PLSCR5: variants seen among roughly 807,000 people sequenced by gnomAD.
The protein encoded by PLSCR5 is phospholipid scramblase family, member 5.
In PLSCR5, 44 loss-of-function variants were observed where a neutral mutation model predicts 33.6. That is an observed-to-expected ratio of 1.31 (90% CI 1.03 to 1.69). The LOEUF (loss-of-function observed/expected upper bound fraction) is 1.69, where lower values mean the gene tolerates loss of function less well. Among genes scored for constraint, PLSCR5 ranks in the 40% most tolerant of loss-of-function variants. PLSCR5 has a pLI of 0.00. For missense variants in PLSCR5, 375 were observed against 318.7 expected (o/e 1.18, Z -1.34); for synonymous variants, 148 against 112.3 (o/e 1.32, Z -2.01).
rs1466221901 is a variant in PLSCR5 at position 146,589,710 on chromosome 3, A to C, written c.720T>G (p.Val240=). 6.2e-7 allele frequency: 1 copy of C among 1,606,300 alleles called. No individual in the cohort carries two copies. The highest frequency in any genetic ancestry group is 1.7e-5 in the Admixed American group (1 of 59,852). The change falls in exon 6 of 8, where the codon GTT becomes GTG. Residue 240 remains valine, a synonymous_variant. Transcript: ENST00000443512. The stretch of plus-strand genomic sequence containing the variant: ...TGACTGTTACATCTAGATCTGCAGG[A>C]ACATGAATTCCGAAATTGTCAGCAT... ...FTNADNFGIH[V]PADLDVTVKA...
intron 2 of PLSCR5, among the ~76,000 whole-genome samples, chr3:146,599,221 C>T (rs550956841): frequency 2.6e-4 from 39 of 152,248 alleles, no homozygotes; most frequent in Admixed American, 9.2e-4. Flanking sequence ...AGGCTTGAAT[C>T]CTGCCTACTT....
intron 5 of PLSCR5, among the ~76,000 whole-genome samples, chr3:146,591,004 T>TG (rs386398183): frequency 3.3e-5 from 5 of 149,358 alleles, no homozygotes; most frequent in African/African-American, 4.9e-5. Context: ...TTTGTTTTTT[T>TG]TTTTTGTTTT....
At chr3:146,602,318 T>C (rs147331842) in intron 1 of PLSCR5, among the ~76,000 whole-genome samples, 190 of 152,188 alleles carry the variant, frequency 1.2e-3, no homozygotes, top group African/African-American at 4.4e-3. Flanking sequence ...GATGCAAAAA[T>C]ATTAAAAGGC....
intron 2 of PLSCR5, among the ~76,000 whole-genome samples, chr3:146,596,078 G>C (rs954821831): frequency 6.6e-6 from 1 of 152,060 alleles, no homozygotes; most frequent in African/African-American, 2.4e-5. Context: ...CAGAGATAAA[G>C]TATCCACAGA....
Position 146,600,429 on chromosome 3 carries a change from A to G in PLSCR5, c.48T>C (p.Phe16=), listed in dbSNP as rs2044802772. 1.2e-6 allele frequency: 2 copies of G among 1,603,638 alleles called. No individual in the cohort carries two copies. The highest frequency in any genetic ancestry group is 1.7e-6 in the Non-Finnish European group (2 of 1,173,690). ...GGTCTGGGTCTGGAGCTCCAGGAAG[A>G]AAACCAGGCAGACCTCTTCTTTGGT... ...AQNQRRGLPG[F]LPGAPDPDQS... The change falls in exon 2 of 8, where the codon TTT becomes TTC. Residue 16 remains phenylalanine (F), a synonymous_variant. Transcript: ENST00000443512.
chr3:146,588,922 A>G (rs1223941358), intron 6 of PLSCR5, among the ~76,000 whole-genome samples: 3 of 152,016 alleles, frequency 2.0e-5, no homozygotes, highest in Non-Finnish European at 2.9e-5. Context: ...TCATGTATTT[A>G]TAGAAAATAC....
downstream of PLSCR5, among the ~76,000 whole-genome samples, chr3:146,584,182 G>A (rs1344502816): frequency 1.3e-5 from 2 of 152,190 alleles, no homozygotes; most frequent in African/African-American, 2.4e-5. Context: ...ATGAGCATCA[G>A]CTTTAAAAGT....
intron 2 of PLSCR5, among the ~76,000 whole-genome samples, chr3:146,595,593 C>T (rs2044754380): frequency 6.6e-6 from 1 of 151,786 alleles, no homozygotes; most frequent in Admixed American, 6.6e-5. Flanking sequence ...AGAGGGGAGA[C>T]TCTGTCTCAA....
chr3:146,582,470 T>C (rs929598053), downstream of PLSCR5, among the ~76,000 whole-genome samples: 5 of 152,170 alleles, frequency 3.3e-5, no homozygotes, highest in Non-Finnish European at 5.9e-5. Context: ...CCAGCCCTCA[T>C]TGGTTTCTTA....
chr3:146,592,510 C>A (rs1445769837), intron 4 of PLSCR5, among the ~76,000 whole-genome samples: 1 of 152,056 alleles, frequency 6.6e-6, no homozygotes, highest in Non-Finnish European at 1.5e-5. Flanking sequence ...ATTTATGTAA[C>A]CCAATCAAAT....
chr3:146,600,398 G>T lies in PLSCR5; in HGVS notation c.79C>A (p.Leu27Ile). 6.2e-7 allele frequency: 1 copy of T among 1,609,946 alleles called. No individual in the cohort carries two copies. Among genetic ancestry groups the T allele is most frequent in the East Asian group, 2.2e-5 (1 of 44,712 alleles). ...TTCCCTGGATTGGAAGAGGCAGGAA[G>T]GCTTTGGTCTGGGTCTGGAGCTCCA... ...LPGAPDPDQS[L>I]PASSNPGNQA... Residue 27 changes from leucine (L) to isoleucine (I), a missense_variant, in exon 2 of 8, where the codon CTT (leucine) becomes ATT (isoleucine). Leu to Ile is a conservative substitution (Grantham distance 5, BLOSUM62 2). Coordinates refer to ENST00000443512, the MANE Select transcript of PLSCR5 (RefSeq NM_001085420.2).
At chr3:146,588,316 A>C (rs528883743) in intron 6 of PLSCR5, among the ~76,000 whole-genome samples, 1 of 151,986 alleles carries the variant, frequency 6.6e-6, no homozygotes, top group South Asian at 2.1e-4. Context: ...TAAAAATACA[A>C]AAAAATTAGC....
At chr3:146,595,251 T>G (rs1031184008) in intron 2 of PLSCR5, among the ~76,000 whole-genome samples, 168 bp from the exon 3 acceptor site, 4 of 149,930 alleles carry the variant, frequency 2.7e-5, no homozygotes, top group African/African-American at 1.0e-4. Context: ...CAAAAGAACG[T>G]AATTTTTTTT....
chr3:146,597,243 A>G (rs780931610), intron 2 of PLSCR5, among the ~76,000 whole-genome samples: 1 of 152,200 alleles, frequency 6.6e-6, no homozygotes, highest in Non-Finnish European at 1.5e-5. Context: ...AATAACTACC[A>G]TAAGGTAGTC....
Position 146,594,148 on chromosome 3 carries a change from A to T in PLSCR5, c.233-8T>A. 1 of 1,574,478 alleles carries T rather than the reference A, an allele frequency of 6.4e-7. No individual in the cohort carries two copies. Among genetic ancestry groups the T allele is most frequent in the Non-Finnish European group, 8.6e-7 (1 of 1,157,392 alleles). On this transcript the variant is annotated splice_polypyrimidine_tract_variant and splice_region_variant and intron_variant, in intron 3 of 7. Transcript: ENST00000443512. Reference sequence around the variant, plus strand: ...TCTCAGTACCAAGTATCACTAATGGAACAAAAAAAAAATTATAAAAACATT... The same window carrying T: ...TCTCAGTACCAAGTATCACTAATGGTACAAAAAAAAAATTATAAAAACATT...
downstream of PLSCR5, among the ~76,000 whole-genome samples, chr3:146,583,450 T>G (rs1425705732): frequency 1.3e-5 from 2 of 152,166 alleles, no homozygotes; most frequent in Non-Finnish European, 2.9e-5. Flanking sequence ...GAGGCAGTAG[T>G]GCACTAGGAA....
In PLSCR5 at chr3:146,594,045, G is replaced by T. The variant is rs12107687; in HGVS notation, c.328C>A (p.Arg110Ser). ...FAVEESICFNRTFCSTLRSCT... is the reference protein window; with the variant it reads ...FAVEESICFNSTFCSTLRSCT... Reference sequence around the variant, plus strand: ...GATCGCAGAGTGGAACAGAAAGTACGATTGAAGCAGATGCTTTCCTCCACT... The same window carrying T: ...GATCGCAGAGTGGAACAGAAAGTACTATTGAAGCAGATGCTTTCCTCCACT... The change falls in exon 4 of 8, where the codon CGT becomes AGT. Residue 110 changes from arginine (R) to serine (S), a missense_variant. Physicochemically the swap from Arg to Ser is moderately radical, Grantham distance 110. Coordinates refer to ENST00000443512, the MANE Select transcript of PLSCR5 (RefSeq NM_001085420.2). 4,212 of 1,613,706 alleles carry T rather than the reference G, an allele frequency of 2.6e-3. 112 individuals are homozygous for T. In the African/African-American group the frequency reaches 0.051, roughly 19 times the overall value.
chr3:146,591,255 G>A (rs2044711944), intron 5 of PLSCR5, among the ~76,000 whole-genome samples: 1 of 151,640 alleles, frequency 6.6e-6, no homozygotes, highest in Admixed American at 6.6e-5. Context: ...TTCAAAATCA[G>A]GAAATATTGG....
chr3:146,596,980 T>A (rs951135385), intron 2 of PLSCR5, among the ~76,000 whole-genome samples: 3 of 152,160 alleles, frequency 2.0e-5, no homozygotes, highest in African/African-American at 7.2e-5. Context: ...ATTAGTTCTG[T>A]TATCTTCTGA....
Sources: gnomAD v4.1 joint callset for allele counts (sites outside exome capture counted in the v4.1 genomes callset) on GRCh38, gnomAD v4.1.1 for gene constraint, MANE v1.5 for transcripts, NCBI Gene and HGNC (gene_info 2026-07-23, HGNC 2026-07-21) for gene names.